CRKL: variants seen among roughly 807,000 people sequenced by gnomAD.
CRKL encodes the protein CRK like proto-oncogene, adaptor protein.
A neutral mutation model predicts 23.0 loss-of-function variants in CRKL; 3 were observed. The observed-to-expected ratio is 0.13, with a 90% CI of 0.06 to 0.34. The LOEUF is 0.34. Among genes scored for constraint, CRKL ranks in the 10% least tolerant of loss-of-function variants. The pLI is 1.00. For synonymous variants in CRKL, 188 were observed against 160.7 expected (o/e 1.17, Z -1.28); for missense variants, 256 against 394.5 (o/e 0.65, Z 2.97).
At chr22:20,931,995 T>G (rs1921473374) in intron 1 of CRKL, among the ~76,000 whole-genome samples, 2 of 151,892 alleles carry the variant, frequency 1.3e-5, no homozygotes, top group Non-Finnish European at 2.9e-5. Context: ...GTATTTTTAG[T>G]AGAGACGGGG....
At chr22:20,945,132 T>C (rs1374883785) in intron 2 of CRKL, among the ~76,000 whole-genome samples, 1 of 152,084 alleles carries the variant, frequency 6.6e-6, no homozygotes, top group Non-Finnish European at 1.5e-5. Flanking sequence ...TAGCTGGGAC[T>C]ACAGGCGCCT....
At position 20,951,234 on chromosome 22, in the gene CRKL, T is replaced by C. The variant is rs568510220; in HGVS notation, c.*1389T>C. The stretch of plus-strand genomic sequence containing the variant: ...AATCTCGTCAGGCTGCCAGAGAAAG[T>C]TGGTGCTGCTCATACTGGTCTCACA... On this transcript the variant is annotated 3_prime_UTR_variant, in exon 3 of 3. Transcript: ENST00000354336. 4.3e-6 allele frequency: 1 copy of C among 232,528 alleles called. No individual in the cohort carries two copies. Among genetic ancestry groups the C allele is most frequent in the South Asian group, 1.8e-4 (1 of 5,526 alleles). The allele number at this position is 232,528 out of a possible 1,614,324, so 14.4% of individuals were successfully genotyped here.
At position 20,934,187 on chromosome 22, in the gene CRKL, G is replaced by A. The variant is rs755185083; in HGVS notation, c.720G>A (p.Ala240=). The A allele has an allele frequency of 1.1e-5, 17 of 1,614,184 alleles. No individual in the cohort carries two copies. Among genetic ancestry groups the A allele is most frequent in the South Asian group, 2.2e-5 (2 of 91,082 alleles). ...CCACACAGAATGGACCTGTCTTTGC[G>A]AAAGCAATCCAGAAAAGAGTACCCT... is the stretch of plus-strand genomic sequence containing the variant. The part of the protein sequence containing the change: ...LPSTQNGPVF[A]KAIQKRVPCA... The change falls in exon 2 of 3, where the codon GCG becomes GCA. Residue 240 remains alanine, a synonymous_variant. Transcript: ENST00000354336.
intron 2 of CRKL, among the ~76,000 whole-genome samples, chr22:20,938,790 A>G (rs1429289255): frequency 3.9e-5 from 6 of 152,178 alleles, no homozygotes; most frequent in African/African-American, 1.2e-4. Context: ...ACCCATGACT[A>G]TTTGTATGAA....
chr22:20,926,329 C>T (rs1921200175), intron 1 of CRKL, among the ~76,000 whole-genome samples: 1 of 152,070 alleles, frequency 6.6e-6, no homozygotes, highest in African/African-American at 2.4e-5. Flanking sequence ...TGAGAAACTG[C>T]TCTGGGTGGG....
At chr22:20,944,165 T>A (rs1921974626) in intron 2 of CRKL, among the ~76,000 whole-genome samples, 1 of 150,060 alleles carries the variant, frequency 6.7e-6, no homozygotes, top group African/African-American at 2.5e-5. Context: ...TTTTTTAATT[T>A]CTTTTATGAG....
chr22:20,922,097 C>T (rs1307622780), intron 1 of CRKL, among the ~76,000 whole-genome samples: 3 of 145,112 alleles, frequency 2.1e-5, no homozygotes, highest in Admixed American at 7.2e-5. Context: ...ACTGCAACCT[C>T]TGCCTCCCAG....
intron 2 of CRKL, among the ~76,000 whole-genome samples, 198 bp downstream of exon 2, chr22:20,934,442 C>T (rs1020364914): frequency 6.6e-6 from 1 of 152,150 alleles, no homozygotes; most frequent in Non-Finnish European, 1.5e-5. Context: ...GAGTTGTTTG[C>T]CCAGGCTGAT....
chr22:20,937,769 G>A (rs961981604), intron 2 of CRKL, among the ~76,000 whole-genome samples: 1 of 152,162 alleles, frequency 6.6e-6, no homozygotes, highest in African/African-American at 2.4e-5. Context: ...GTGCTTGACT[G>A]AGAGAGAATG....
intron 1 of CRKL, among the ~76,000 whole-genome samples, chr22:20,924,853 CAAG>C (rs1304502187): frequency 6.6e-6 from 1 of 151,624 alleles, no homozygotes; most frequent in Non-Finnish European, 1.5e-5. Context: ...AAACAAAAAA[CAAG>C]AACACTGTCA....
chr22:20,953,286 A>G lies in CRKL; in HGVS notation c.*3441A>G, dbSNP rs528016223. 7.0e-4 allele frequency: 162 copies of G among 231,286 alleles called. No individual in the cohort carries two copies. The highest frequency in any genetic ancestry group is 1.6e-3 in the Admixed American group (29 of 17,704). The allele number at this position is 231,286 out of a possible 1,614,324, so 14.3% of individuals were successfully genotyped here. On this transcript the variant is annotated 3_prime_UTR_variant, in exon 3 of 3. Transcript: ENST00000354336. Reference sequence around the variant, plus strand: ...TCTGCGACCGGAGGACTATGCCCCTAGTAACTGCTGTCGGTGTGGACGCTG... The same window carrying G: ...TCTGCGACCGGAGGACTATGCCCCTGGTAACTGCTGTCGGTGTGGACGCTG...
intron 1 of CRKL, among the ~76,000 whole-genome samples, chr22:20,928,972 T>C (rs1921336636): frequency 6.6e-6 from 1 of 152,154 alleles, no homozygotes; most frequent in Non-Finnish European, 1.5e-5. Context: ...GGTTTATACA[T>C]GTAGAAACTG....
In CRKL at chr22:20,946,506, A is replaced by T. The variant is rs370336684; in HGVS notation, c.778-3205A>T. Among the ~76,000 whole-genome samples the T allele has an allele frequency of 1.1e-4, 16 of 152,274 alleles. No individual in the cohort carries two copies. The South Asian group carries it at 2.9e-3, about 28-fold the overall frequency. ...AATGATTAGGATTGGCCTGTTCCATAGAGTGAAAATTAATAAGGATGATGC... is the reference window on the plus strand; with the variant it reads ...AATGATTAGGATTGGCCTGTTCCATTGAGTGAAAATTAATAAGGATGATGC... On this transcript the variant is annotated intron_variant, in intron 2 of 2. Coordinates refer to ENST00000354336, the MANE Select transcript of CRKL (RefSeq NM_005207.4).
At chr22:20,949,403 G>A (rs1172729182) in intron 2 of CRKL, among the ~76,000 whole-genome samples, 1 of 152,108 alleles carries the variant, frequency 6.6e-6, no homozygotes, top group Admixed American at 6.6e-5. Flanking sequence ...CTGTAATCGG[G>A]CCACTGCATT....
chr22:20,927,519 T>TG (rs1322830922), intron 1 of CRKL, among the ~76,000 whole-genome samples: 8 of 151,094 alleles, frequency 5.3e-5, no homozygotes, highest in East Asian at 2.0e-4. Context: ...CTACCTTTTT[T>TG]TTTTTTTTTT....
intron 2 of CRKL, among the ~76,000 whole-genome samples, chr22:20,934,639 G>A (rs985432126): frequency 6.6e-6 from 1 of 151,976 alleles, no homozygotes; most frequent in African/African-American, 2.4e-5. Context: ...AACAGATTTA[G>A]TTTTGCAGTT....
chr22:20,927,934 G>A (rs1379416523), intron 1 of CRKL, among the ~76,000 whole-genome samples: 3 of 151,702 alleles, frequency 2.0e-5, no homozygotes, highest in Non-Finnish European at 4.4e-5. Context: ...GGCCGAGGGA[G>A]GCAGATCACT....
At position 20,933,845 on chromosome 22, in the gene CRKL, A is replaced by G. The variant is rs1355929490; in HGVS notation, c.378A>G (p.Glu126=). The G allele has an allele frequency of 1.9e-6, 3 of 1,614,050 alleles. No individual in the cohort carries two copies. The highest frequency in any genetic ancestry group is 2.5e-6 in the Non-Finnish European group (3 of 1,180,032). The change falls in exon 2 of 3, where the codon GAA becomes GAG. Residue 126 remains glutamate, a synonymous_variant. Coordinates refer to ENST00000354336, the MANE Select transcript of CRKL (RefSeq NM_005207.4). ...TGCCTACAGCAGAAGATAACCTGGA[A>G]TATGTACGGACTCTGTATGATTTTC... The part of the protein sequence containing the change: ...PNLPTAEDNL[E]YVRTLYDFPG...
intron 1 of CRKL, among the ~76,000 whole-genome samples, chr22:20,924,716 A>G (rs1336328191): frequency 6.6e-6 from 1 of 152,112 alleles, no homozygotes; most frequent in Non-Finnish European, 1.5e-5. Context: ...TTAGCTGGGC[A>G]TGGCGGCGTG....
Sources: gnomAD v4.1 joint callset for allele counts (sites outside exome capture counted in the v4.1 genomes callset) on GRCh38, gnomAD v4.1.1 for gene constraint, MANE v1.5 for transcripts, NCBI Gene and HGNC (gene_info 2026-07-23, HGNC 2026-07-21) for gene names.